LNX2: variants seen among roughly 807,000 people sequenced by gnomAD.
LNX2 encodes ligand of numb-protein X 2.
In LNX2, 35 loss-of-function variants were observed where a neutral mutation model predicts 66.2. The observed-to-expected ratio is 0.53, with a 90% CI of 0.40 to 0.70. The LOEUF is 0.70. LNX2 is among the 30% of genes least tolerant of loss of function. The pLI is 0.00. For synonymous variants in LNX2, 337 were observed against 315.6 expected (o/e 1.07, Z -0.72); for missense variants, 791 against 850.8 (o/e 0.93, Z 0.87).
chr13:27,578,100 G>GA, intron 2 of LNX2, among the ~76,000 whole-genome samples: 1 of 152,260 alleles, frequency 6.6e-6, no homozygotes, highest in Non-Finnish European at 1.5e-5. Context: ...ATCTGTAGGA[G>GA]AAAAATGTTT....
chr13:27,578,762 C>T (rs773081070), intron 2 of LNX2, among the ~76,000 whole-genome samples: 15 of 152,228 alleles, frequency 9.9e-5, no homozygotes, highest in Non-Finnish European at 1.8e-4. Context: ...ATGAAGAAAC[C>T]ATCTTGGAAG....
In LNX2 at chr13:27,556,370, A is replaced by T. The variant is rs1278211583; in HGVS notation, c.1412T>A (p.Val471Glu). 1.2e-6 allele frequency: 2 copies of T among 1,613,936 alleles called. No homozygotes were observed. Among genetic ancestry groups the T allele is most frequent in the Non-Finnish European group, 1.7e-6 (2 of 1,179,926 alleles). ...AAGGGATTCATGTGGTTCCTTCTTT[A>T]CAGTAATGTGTTTTTCTTGGCATGT... ...CVTCQEKHIT[V>E]KKEPHESLGM... is the part of the protein sequence containing the mutation. Residue 471 changes from valine to glutamate, a missense_variant, in exon 7 of 10, where the codon GTA becomes GAA. Val to Glu is a moderately radical substitution (Grantham distance 121). Transcript: ENST00000316334.
intron 1 of LNX2, among the ~76,000 whole-genome samples, chr13:27,590,054 A>G (rs1204097208): frequency 1.3e-5 from 2 of 151,576 alleles, no homozygotes; most frequent in Non-Finnish European, 1.5e-5. Flanking sequence ...GGTTCATGCC[A>G]TTCTCCTGCC....
intron 1 of LNX2, among the ~76,000 whole-genome samples, chr13:27,620,093 C>T (rs1955878997): frequency 6.6e-6 from 1 of 152,224 alleles, no homozygotes; most frequent in Non-Finnish European, 1.5e-5. Context: ...CAAACGCTAA[C>T]AGCCGGAGGC....
intron 1 of LNX2, among the ~76,000 whole-genome samples, chr13:27,593,137 T>C (rs1175929524): frequency 6.6e-6 from 1 of 152,226 alleles, no homozygotes; most frequent in Non-Finnish European, 1.5e-5. Context: ...TGCATCTGTC[T>C]ACATCCTTTC....
intron 2 of LNX2, among the ~76,000 whole-genome samples, chr13:27,580,605 ATTAC>A (rs1384179128): frequency 6.6e-6 from 1 of 152,206 alleles, no homozygotes; most frequent in Non-Finnish European, 1.5e-5. Context: ...AGCTAAATAA[ATTAC>A]TTAACCTTTT....
chr13:27,597,121 T>C (rs1593260103), intron 1 of LNX2, among the ~76,000 whole-genome samples: 2 of 152,234 alleles, frequency 1.3e-5, no homozygotes, highest in South Asian at 4.1e-4. Flanking sequence ...CTAAGGCCTA[T>C]CCTTATCAGA....
rs1954965740 is a variant in LNX2 at position 27,548,236 on chromosome 13, T to C, written c.*99A>G. On this transcript the variant is annotated 3_prime_UTR_variant, in exon 10 of 10. Coordinates refer to ENST00000316334, the MANE Select transcript of LNX2 (RefSeq NM_153371.4). Reference sequence around the variant, plus strand: ...GTTTTGGCCCTGTGTATACCAGCAGTGTCAGCAGCTCCTAAACCACAAACA... The same window carrying C: ...GTTTTGGCCCTGTGTATACCAGCAGCGTCAGCAGCTCCTAAACCACAAACA... The C allele has an allele frequency of 2.6e-6, 3 of 1,152,640 alleles. No individual in the cohort carries two copies. Among genetic ancestry groups the C allele is most frequent in the Non-Finnish European group, 3.8e-6 (3 of 797,024 alleles). The allele number at this position is 1,152,640 out of a possible 1,614,324, so 71.4% of individuals were successfully genotyped here. A position where few individuals can be genotyped will look rare whatever the true frequency, so the allele number is the denominator to read the frequency against.
chr13:27,583,205 T>TCCTCTCCAATATAA (rs1955425221), intron 1 of LNX2, among the ~76,000 whole-genome samples: 13 of 22,076 alleles, frequency 5.9e-4, no homozygotes, highest in African/African-American at 2.2e-3. Context: ...TGTGTGTGTG[T>TCCTCTCCAATATAA]GTGTGTGTGT....
chr13:27,548,341 A>G lies in LNX2; in HGVS notation c.2067T>C (p.Leu689=). The change falls in exon 10 of 10, where the codon CTT becomes CTC. Residue 689 remains leucine (L), a synonymous_variant. Transcript: ENST00000316334. ...TLTVICWPGS[L]V ...TGAAACCAATTTCCAAAATCTATAC[A>G]AGGCTGCCAGGCCAACAAATAACGG... The G allele has an allele frequency of 1.2e-6, 2 of 1,608,666 alleles. No homozygotes were observed. Among genetic ancestry groups the G allele is most frequent in the Non-Finnish European group, 1.7e-6 (2 of 1,178,502 alleles).
At chr13:27,613,867 A>C (rs1195211045) in intron 1 of LNX2, among the ~76,000 whole-genome samples, 1 of 152,270 alleles carries the variant, frequency 6.6e-6, no homozygotes, top group Non-Finnish European at 1.5e-5. Flanking sequence ...GATTTTAAAT[A>C]CTACAAGGGC....
intron 1 of LNX2, among the ~76,000 whole-genome samples, chr13:27,592,309 C>T (rs1011536119): frequency 2.6e-5 from 4 of 152,044 alleles, no homozygotes; most frequent in Non-Finnish European, 5.9e-5. Flanking sequence ...AAGGTAGAAC[C>T]AATACAGTTT....
intron 3 of LNX2, among the ~76,000 whole-genome samples, chr13:27,568,514 C>G (rs1466768315): frequency 6.6e-6 from 1 of 151,928 alleles, no homozygotes; most frequent in East Asian, 1.9e-4. Flanking sequence ...CAAACCCAGT[C>G]ATTTACTGGT....
chr13:27,571,967 C>A (rs1340544531), intron 2 of LNX2, among the ~76,000 whole-genome samples: 1 of 152,202 alleles, frequency 6.6e-6, no homozygotes, highest in Non-Finnish European at 1.5e-5. Context: ...TGAGACTTAA[C>A]CAACTAAGCC....
At chr13:27,602,781 T>C (rs1344881811) in intron 1 of LNX2, among the ~76,000 whole-genome samples, 2 of 152,206 alleles carry the variant, frequency 1.3e-5, no homozygotes, top group African/African-American at 2.4e-5. Flanking sequence ...ACCATTTGAC[T>C]TCCCTAACAA....
At chr13:27,605,980 C>G (rs867450240) in intron 1 of LNX2, among the ~76,000 whole-genome samples, 1 of 152,088 alleles carries the variant, frequency 6.6e-6, no homozygotes, top group African/African-American at 2.4e-5. Flanking sequence ...TCTCCCACAC[C>G]CCTTTTCAGA....
chr13:27,618,074 T>C (rs1368103542), intron 1 of LNX2, among the ~76,000 whole-genome samples: 2 of 152,182 alleles, frequency 1.3e-5, no homozygotes, highest in Non-Finnish European at 2.9e-5. Flanking sequence ...GGGTAAGTAA[T>C]AGAATTAGAA....
At position 27,548,279 on chromosome 13, in the gene LNX2, T is replaced by C. The variant is rs896363328; in HGVS notation, c.*56A>G. The C allele has an allele frequency of 8.9e-6, 14 of 1,570,208 alleles. No homozygotes were observed. The African/African-American group carries it at 1.4e-4, about 15-fold the overall frequency. The stretch of plus-strand genomic sequence containing the variant: ...CACAAACACAATGAAACCAAAGGGT[T>C]TTCTTTCAAAAATCTAAAAAAGGAA... On this transcript the variant is annotated 3_prime_UTR_variant, in exon 10 of 10. Transcript: ENST00000316334.
intron 1 of LNX2, among the ~76,000 whole-genome samples, chr13:27,598,204 TAAAA>T (rs10634128): frequency 7.2e-6 from 1 of 138,928 alleles, no homozygotes; most frequent in Non-Finnish European, 1.5e-5. Flanking sequence ...CAGCACTGTT[TAAAA>T]AAAAAAAAAA....
Sources: gnomAD v4.1 joint callset for allele counts (sites outside exome capture counted in the v4.1 genomes callset) on GRCh38, gnomAD v4.1.1 for gene constraint, MANE v1.5 for transcripts, NCBI Gene and HGNC (gene_info 2026-07-23, HGNC 2026-07-21) for gene names.